Variants in AOPEP observed in about 807,000 individuals in gnomAD.
The protein encoded by AOPEP is aminopeptidase O (putative), also known as aminopeptidase O.
A neutral mutation model predicts 98.1 loss-of-function variants in AOPEP; 77 were observed. That is an observed-to-expected ratio of 0.78 (90% CI 0.65 to 0.95). AOPEP has a LOEUF of 0.95. AOPEP is among the 40% of genes least tolerant of loss of function. The pLI is 0.00. For missense variants in AOPEP, 1,024 were observed against 1,024.7 expected (o/e 1.00, Z 0.01); for synonymous variants, 346 against 365.3 (o/e 0.95, Z 0.60).
At chr9:94,904,967 T>G (rs2136305654) in intron 5 of AOPEP, among the ~76,000 whole-genome samples, 1 of 152,370 alleles carries the variant, frequency 6.6e-6, no homozygotes, top group African/African-American at 2.4e-5. Flanking sequence ...TTGTTTTGCA[T>G]TTAACAAATT....
intron 5 of AOPEP, among the ~76,000 whole-genome samples, chr9:94,901,394 A>C (rs957623670): frequency 1.3e-5 from 2 of 152,010 alleles, no homozygotes; most frequent in Non-Finnish European, 2.9e-5. Context: ...GAGGATGGGC[A>C]CTGTCTTCAT....
Position 95,005,502 on chromosome 9 carries a change from C to T in AOPEP, c.2041-40C>T, listed in dbSNP as rs368266094. Reference sequence around the variant, plus strand: ...GCGCTGGGGGATGGCCGTCAGGACCCTGTCGCCTTCTTTGAAATGCTGTGG... The same window carrying T: ...GCGCTGGGGGATGGCCGTCAGGACCTTGTCGCCTTCTTTGAAATGCTGTGG... On this transcript the variant is annotated intron_variant, in intron 12 of 16. Coordinates refer to ENST00000375315, the MANE Select transcript of AOPEP (RefSeq NM_001193329.3). The T allele has an allele frequency of 4.3e-4, 671 of 1,576,218 alleles. 4 individuals carry two copies. In the Middle Eastern group the frequency reaches 0.013, roughly 31 times the overall value.
intron 5 of AOPEP, among the ~76,000 whole-genome samples, chr9:94,808,424 C>CT (rs34469017): frequency 0.041 from 6,166 of 152,212 alleles, 163 homozygotes; most frequent in Admixed American, 0.073. Flanking sequence ...AAATGGATTA[C>CT]TTTTTTTTAA....
chr9:95,114,481 C>T, the AOPEP span: 1 of 787,418 alleles, frequency 1.3e-6, no homozygotes, highest in East Asian at 2.5e-5. Flanking sequence ...TGCGCTTCCT[C>T]CACTTCTCAC....
rs1017375221 is a variant in AOPEP at position 94,744,284 on chromosome 9, C to T, written c.-135-15365C>T. 1.4e-4 allele frequency among the ~76,000 whole-genome samples: 22 copies of T among 152,162 alleles called. No individual in the cohort carries two copies. In the South Asian group the frequency reaches 2.7e-3, roughly 19 times the overall value. On this transcript the variant is annotated intron_variant, in intron 1 of 16. Coordinates refer to ENST00000375315, the MANE Select transcript of AOPEP (RefSeq NM_001193329.3). ...GCAGGCGCCTGTAGTCCCAGCTACT[C>T]GGGAGCCTGAGGCAGGAGAATGGCC...
chr9:95,120,816 G>GTT, the AOPEP span, among the ~76,000 whole-genome samples: 1 of 152,130 alleles, frequency 6.6e-6, no homozygotes, highest in Non-Finnish European at 1.5e-5. Flanking sequence ...TAATGTCATT[G>GTT]TTGGTAGTTT....
chr9:94,799,515 A>G (rs923592404), intron 4 of AOPEP, among the ~76,000 whole-genome samples: 1 of 152,032 alleles, frequency 6.6e-6, no homozygotes, highest in Non-Finnish European at 1.5e-5. Context: ...GGCTACAGTG[A>G]GCTATGACCC....
chr9:94,990,091 C>G lies in AOPEP; in HGVS notation c.1977+10664C>G, dbSNP rs1476084787. ...AGGTCTCCACCCCAGAGTTTGAGACCTGCGAAGAACTGTAGAGGTTGATGT... is the reference window on the plus strand; with the variant it reads ...AGGTCTCCACCCCAGAGTTTGAGACGTGCGAAGAACTGTAGAGGTTGATGT... On this transcript the variant is annotated intron_variant, in intron 11 of 16. Transcript: ENST00000375315. 3.3e-5 allele frequency among the ~76,000 whole-genome samples: 5 copies of G among 152,282 alleles called. No individual in the cohort carries two copies. The South Asian group carries it at 8.3e-4, about 25-fold the overall frequency.
chr9:95,050,126 G>A (rs1409222585), intron 13 of AOPEP, among the ~76,000 whole-genome samples: 1 of 152,120 alleles, frequency 6.6e-6, no homozygotes, highest in East Asian at 1.9e-4. Flanking sequence ...TGTCGTGATG[G>A]GCAGTATCTA....
intron 13 of AOPEP, among the ~76,000 whole-genome samples, chr9:95,040,560 C>G (rs762620008): frequency 6.6e-6 from 1 of 152,214 alleles, no homozygotes; most frequent in Non-Finnish European, 1.5e-5. Context: ...CCAGCTCTTC[C>G]TCAGAAGTTG....
intron 13 of AOPEP, among the ~76,000 whole-genome samples, chr9:95,058,825 A>T (rs770551745): frequency 6.6e-6 from 1 of 152,198 alleles, no homozygotes; most frequent in Non-Finnish European, 1.5e-5. Context: ...GGTTAGGGGT[A>T]CTTGAGGCCA....
chr9:94,746,607 T>A (rs754632370), intron 1 of AOPEP, among the ~76,000 whole-genome samples: 39 of 152,210 alleles, frequency 2.6e-4, no homozygotes, highest in Non-Finnish European at 5.3e-4. Context: ...ATACATTCTT[T>A]CACCTTTTAA....
chr9:94,884,787 G>A (rs551566607), intron 5 of AOPEP, among the ~76,000 whole-genome samples: 6 of 151,820 alleles, frequency 4.0e-5, no homozygotes, highest in East Asian at 3.9e-4. Context: ...CGAGGCGGGC[G>A]GATCACGAGG....
At chr9:94,977,736 G>A (rs1427121750) in intron 10 of AOPEP, among the ~76,000 whole-genome samples, 2 of 152,148 alleles carry the variant, frequency 1.3e-5, no homozygotes, top group Admixed American at 6.5e-5. Context: ...AAGGCCCAGC[G>A]ATGGTGGCAC....
chr9:94,917,850 G>A (rs950817848), intron 5 of AOPEP, among the ~76,000 whole-genome samples: 6 of 151,852 alleles, frequency 4.0e-5, no homozygotes, highest in African/African-American at 9.7e-5. Flanking sequence ...AGCTTCCTTC[G>A]TCTTATTTTC....
chr9:95,121,554 T>C, the AOPEP span, among the ~76,000 whole-genome samples: 1 of 152,182 alleles, frequency 6.6e-6, no homozygotes, highest in Non-Finnish European at 1.5e-5. Flanking sequence ...GCAACATTGT[T>C]TGTAATAAAA....
intron 4 of AOPEP, among the ~76,000 whole-genome samples, chr9:94,794,125 A>G (rs1408190374): frequency 6.6e-6 from 1 of 152,130 alleles, no homozygotes; most frequent in African/African-American, 2.4e-5. Context: ...TGAAGTATGA[A>G]CCAGATAAAA....
intron 5 of AOPEP, among the ~76,000 whole-genome samples, chr9:94,844,392 T>A (rs2042611606): frequency 6.6e-6 from 1 of 152,246 alleles, no homozygotes. Flanking sequence ...TACATATTTA[T>A]GTGGTACAAT....
intron 14 of AOPEP, among the ~76,000 whole-genome samples, chr9:95,080,276 C>G (rs888505805): frequency 1.3e-5 from 2 of 152,204 alleles, no homozygotes; most frequent in East Asian, 3.9e-4. Context: ...GCCTGTAATC[C>G]CAGCACTTTG....
Sources: allele counts gnomAD v4.1 joint callset (sites outside exome capture counted in the v4.1 genomes callset), GRCh38; gene constraint gnomAD v4.1.1; transcripts MANE v1.5; gene names NCBI Gene and HGNC (gene_info 2026-07-23, HGNC 2026-07-21).